The following SSBP3 variants were observed in gnomAD, a reference collection of about 807,000 sequenced individuals.
SSBP3 encodes single-stranded DNA-binding protein 3.
Under a neutral mutation model 69.6 loss-of-function variants are expected in SSBP3, and 5 were observed. The ratio of observed to expected loss-of-function variants is 0.07; its 90% CI spans 0.04 to 0.15. The LOEUF is 0.15. Among genes scored for constraint, SSBP3 ranks in the 10% least tolerant of loss-of-function variants. The pLI is 1.00. For synonymous variants in SSBP3, 196 were observed against 193.4 expected (o/e 1.01, Z -0.11); for missense variants, 312 against 534.0 (o/e 0.58, Z 4.10).
At chr1:54,244,332 T>C (rs1340489527) in intron 9 of SSBP3, among the ~76,000 whole-genome samples, 4 of 152,000 alleles carry the variant, frequency 2.6e-5, no homozygotes, top group African/African-American at 9.7e-5. Context: ...TCGAACTCCT[T>C]ACCTCAGGAT....
At chr1:54,310,528 C>T (rs1033309474) in intron 4 of SSBP3, among the ~76,000 whole-genome samples, 1 of 152,070 alleles carries the variant, frequency 6.6e-6, no homozygotes, top group Non-Finnish European at 1.5e-5. Flanking sequence ...AGTTTTCTAC[C>T]CGCCTTTTAA....
In SSBP3 at chr1:54,251,728, G is replaced by A. The variant is rs377737388; in HGVS notation, c.575-36C>T. ...GAGGAGGCGCGTCATGGGATGGCAG[G>A]AGTGGAGGGAGGAGGAGCCCCTCCT... On this transcript the variant is annotated intron_variant, in intron 8 of 17. Coordinates refer to ENST00000610401, the Ensembl canonical transcript of SSBP3. 16 of 1,583,950 alleles carry A rather than the reference G, an allele frequency of 1.0e-5. No homozygotes were observed. In the African/African-American group the frequency reaches 1.9e-4, roughly 19 times the overall value.
At chr1:54,401,861 A>G (rs1357096736) in exon 4 of SSBP3, 2 of 1,612,928 alleles carry the variant, frequency 1.2e-6, no homozygotes, top group Non-Finnish European at 1.7e-6. Context: ...TGTTACTCAC[A>G]TAATCATGAA....
chr1:54,289,029 A>AAAC (rs1553132192), intron 4 of SSBP3, among the ~76,000 whole-genome samples: 2,537 of 75,038 alleles, frequency 0.034, 140 homozygotes, highest in Admixed American at 0.14. Context: ...CCAAAAAAAA[A>AAAC]AAAAAAACAA....
rs1286924754 is a variant in SSBP3 at position 54,257,540 on chromosome 1, CG to C, written c.448-355del. On this transcript the variant is annotated intron_variant, in intron 6 of 17. Coordinates refer to ENST00000610401, the Ensembl canonical transcript of SSBP3. ...AATGAAAGGGTAAGAAGGACTGATA[CG>C]TAACATCTTAAGGGCCTGCAGACAA... is the stretch of plus-strand genomic sequence containing the variant. Among the ~76,000 whole-genome samples, 6 of 152,130 alleles carry C rather than the reference CG, an allele frequency of 3.9e-5. No individual in the cohort carries two copies. The East Asian group carries it at 9.6e-4, about 24-fold the overall frequency.
intron 4 of SSBP3, among the ~76,000 whole-genome samples, chr1:54,292,767 G>T (rs1202369619): frequency 3.9e-5 from 6 of 152,112 alleles, no homozygotes; most frequent in Admixed American, 6.6e-5. Context: ...CCGTGTGTGT[G>T]TATGTACATG....
At chr1:54,342,453 G>A (rs1646625734) in intron 4 of SSBP3, among the ~76,000 whole-genome samples, 2 of 152,198 alleles carry the variant, frequency 1.3e-5, no homozygotes, top group African/African-American at 4.8e-5. Context: ...AGCAGTGGGT[G>A]GGGCCAGGGC....
chr1:54,272,100 C>T (rs1645203412), intron 5 of SSBP3, among the ~76,000 whole-genome samples: 1 of 152,178 alleles, frequency 6.6e-6, no homozygotes, highest in African/African-American at 2.4e-5. Flanking sequence ...GAAAAGTTTA[C>T]AGGATCACAG....
upstream of SSBP3, among the ~76,000 whole-genome samples, chr1:54,406,742 A>AG (rs1224495027): frequency 1.3e-5 from 2 of 151,422 alleles, no homozygotes; most frequent in South Asian, 4.2e-4. Flanking sequence ...CTGGGGGGCT[A>AG]GGGGGGCGCT....
At chr1:54,296,931 A>C (rs1019343330) in intron 4 of SSBP3, among the ~76,000 whole-genome samples, 3 of 152,108 alleles carry the variant, frequency 2.0e-5, no homozygotes, top group African/African-American at 7.2e-5. Flanking sequence ...CTAAGACTCT[A>C]TGTAGGCACC....
intron 4 of SSBP3, among the ~76,000 whole-genome samples, chr1:54,331,185 G>A (rs992382955): frequency 6.6e-6 from 1 of 152,128 alleles, no homozygotes; most frequent in South Asian, 2.1e-4. Context: ...ACAGGTATAT[G>A]CCTGGCTGGA....
chr1:54,404,776 G>A (rs1190115445), intron 2 of SSBP3, 82 bp downstream of exon 2: 3 of 958,858 alleles, frequency 3.1e-6, no homozygotes, highest in Admixed American at 2.0e-5. Flanking sequence ...GGCCACAGTG[G>A]CTGCTCCTGA....
intron 4 of SSBP3, among the ~76,000 whole-genome samples, chr1:54,364,340 C>T (rs1006708759): frequency 1.1e-4 from 16 of 152,120 alleles, no homozygotes; most frequent in African/African-American, 3.4e-4. Flanking sequence ...CAAAGGCTGC[C>T]GTAATAGACA....
At chr1:54,330,370 T>C (rs1646386399) in intron 4 of SSBP3, among the ~76,000 whole-genome samples, 1 of 152,036 alleles carries the variant, frequency 6.6e-6, no homozygotes, top group South Asian at 2.1e-4. Context: ...GAGGAGCAAA[T>C]ACTGTGCCCA....
At chr1:54,260,582 T>C (rs2100763129) in intron 5 of SSBP3, among the ~76,000 whole-genome samples, 1 of 152,286 alleles carries the variant, frequency 6.6e-6, no homozygotes, top group African/African-American at 2.4e-5. Context: ...CCTCTGCGCC[T>C]CCCTCAGAAG....
chr1:54,239,551 C>T (rs751436444), intron 13 of SSBP3, among the ~76,000 whole-genome samples: 3 of 152,112 alleles, frequency 2.0e-5, no homozygotes, highest in Non-Finnish European at 2.9e-5. Flanking sequence ...TGTGCTCTCC[C>T]ACCACCCTAC....
exon 1 of SSBP3, chr1:54,406,036 T>TCGCCGCTGCCGC: frequency 7.5e-7 from 1 of 1,329,340 alleles, no homozygotes; most frequent in East Asian, 3.3e-5. Context: ...GCGCCGAGCC[T>TCGCCGCTGCCGC]CGCCGCCGCC....
intron 4 of SSBP3, among the ~76,000 whole-genome samples, chr1:54,381,382 C>CAAAAAAAAA (rs59809996): frequency 4.3e-5 from 3 of 69,460 alleles, no homozygotes; most frequent in African/African-American, 8.4e-5. Flanking sequence ...TACACCATCT[C>CAAAAAAAAA]AAAAAAAAAA....
At chr1:54,242,104 T>C (rs1644649527) in intron 11 of SSBP3, 60 bp downstream of exon 11, 2 of 1,586,684 alleles carry the variant, frequency 1.3e-6, no homozygotes, top group Admixed American at 3.4e-5. Flanking sequence ...GGACAGTAGC[T>C]CCCCTGCACC....
Sources: allele counts gnomAD v4.1 joint callset (sites outside exome capture counted in the v4.1 genomes callset), GRCh38; gene constraint gnomAD v4.1.1; transcripts MANE v1.5; gene names NCBI Gene and HGNC (gene_info 2026-07-23, HGNC 2026-07-21).